ADAMTS20: variants seen among roughly 807,000 people sequenced by gnomAD.
ADAMTS20 encodes the protein A disintegrin and metalloproteinase with thrombospondin motifs 20.
Under a neutral mutation model 260.1 loss-of-function variants are expected in ADAMTS20, and 225 were observed. The ratio of observed to expected loss-of-function variants is 0.87; its 90% confidence interval spans 0.78 to 0.97. The LOEUF is 0.97. Ranked by LOEUF, ADAMTS20 falls within the 50% of genes least tolerant of loss-of-function variation. ADAMTS20 has a pLI of 0.00. For synonymous variants in ADAMTS20, 802 were observed against 769.5 expected (o/e 1.04, Z -0.70); for missense variants, 2,400 against 2,337.7 (o/e 1.03, Z -0.55).
intron 4 of ADAMTS20, among the ~76,000 whole-genome samples, chr12:43,498,110 T>C (rs1942702773): frequency 6.6e-6 from 1 of 152,174 alleles, no homozygotes; most frequent in African/African-American, 2.4e-5. Context: ...TCTCTGCTCA[T>C]TTAACACAAA....
At chr12:43,409,409 CG>C (rs1940982153) in intron 28 of ADAMTS20, among the ~76,000 whole-genome samples, 1 of 150,800 alleles carries the variant, frequency 6.6e-6, no homozygotes, top group South Asian at 2.1e-4. Flanking sequence ...GAGACCATCC[CG>C]GCTAAAACGG....
intron 3 of ADAMTS20, among the ~76,000 whole-genome samples, chr12:43,516,481 CA>C (rs1943002057): frequency 6.6e-6 from 1 of 152,020 alleles, no homozygotes; most frequent in South Asian, 2.1e-4. Flanking sequence ...GTTGGTAGAC[CA>C]AAGGAAAACT....
At chr12:43,455,821 A>G (rs1347204925) in intron 11 of ADAMTS20, among the ~76,000 whole-genome samples, 2 of 150,918 alleles carry the variant, frequency 1.3e-5, no homozygotes, top group Admixed American at 6.6e-5. Context: ...TGATTATCCT[A>G]CCTCAGCCTC....
chr12:43,468,557 G>C (rs1483088418), intron 8 of ADAMTS20, 43 bp downstream of exon 8: 1 of 1,200,156 alleles, frequency 8.3e-7, no homozygotes, highest in East Asian at 2.3e-5. Flanking sequence ...TCTGTGCAAA[G>C]ATAAATAGAA....
chr12:43,401,571 A>G (rs1001710498), intron 28 of ADAMTS20, among the ~76,000 whole-genome samples: 3 of 151,898 alleles, frequency 2.0e-5, no homozygotes, highest in East Asian at 1.9e-4. Context: ...CTTCTACTCT[A>G]TAACTTTAGG....
At chr12:43,534,700 A>C (rs1325309626) in intron 2 of ADAMTS20, among the ~76,000 whole-genome samples, 1 of 152,190 alleles carries the variant, frequency 6.6e-6, no homozygotes, top group Admixed American at 6.5e-5. Flanking sequence ...ACTCCAATGC[A>C]TATCATTACA....
At chr12:43,448,043 T>G (rs1171511786) in intron 14 of ADAMTS20, among the ~76,000 whole-genome samples, 3 of 152,108 alleles carry the variant, frequency 2.0e-5, no homozygotes, top group Admixed American at 6.6e-5. Context: ...AGAATCAATA[T>G]CATTAAAATG....
intron 11 of ADAMTS20, among the ~76,000 whole-genome samples, chr12:43,459,775 G>A (rs555401843): frequency 1.3e-4 from 19 of 150,660 alleles, no homozygotes; most frequent in African/African-American, 4.6e-4. Context: ...TATTAGAAGT[G>A]AAAAAAAAAT....
At chr12:43,498,011 G>A (rs1942701426) in intron 4 of ADAMTS20, among the ~76,000 whole-genome samples, 2 of 151,984 alleles carry the variant, frequency 1.3e-5, no homozygotes, top group Non-Finnish European at 2.9e-5. Context: ...ATTTTTAGTA[G>A]CTTAATAATG....
At chr12:43,446,340 A>G (rs1321253101) in intron 15 of ADAMTS20, among the ~76,000 whole-genome samples, 1 of 152,330 alleles carries the variant, frequency 6.6e-6, no homozygotes, top group African/African-American at 2.4e-5. Context: ...CACTGAATTT[A>G]CTCTAAGAAA....
At chr12:43,535,842 A>G (rs1359770043) in intron 2 of ADAMTS20, among the ~76,000 whole-genome samples, 1 of 152,152 alleles carries the variant, frequency 6.6e-6, no homozygotes. Flanking sequence ...AGTCAAAGCA[A>G]TAACTTTGAA....
At chr12:43,466,439 T>C (rs1592083555) in intron 9 of ADAMTS20, among the ~76,000 whole-genome samples, 1 of 151,856 alleles carries the variant, frequency 6.6e-6, no homozygotes, top group Non-Finnish European at 1.5e-5. Flanking sequence ...ATAAAAATAT[T>C]TATTTTAAAG....
chr12:43,396,754 A>T (rs1222933072), intron 29 of ADAMTS20, among the ~76,000 whole-genome samples: 4 of 152,214 alleles, frequency 2.6e-5, no homozygotes, highest in African/African-American at 9.6e-5. Context: ...GTGGTAAGCC[A>T]AGGCCAATTT....
intron 28 of ADAMTS20, among the ~76,000 whole-genome samples, chr12:43,409,601 C>CAAAAA (rs67474640): frequency 0.027 from 1,254 of 46,874 alleles, 147 homozygotes; most frequent in African/African-American, 0.032. Flanking sequence ...GACTCCGTCT[C>CAAAAA]AAAAAAAAAA....
At chr12:43,534,501 G>A (rs999180934) in intron 2 of ADAMTS20, among the ~76,000 whole-genome samples, 1 of 152,108 alleles carries the variant, frequency 6.6e-6, no homozygotes, top group African/African-American at 2.4e-5. Flanking sequence ...ATTTGCATGT[G>A]TGAAATAATA....
chr12:43,428,879 A>T, intron 24 of ADAMTS20, 80 bp from the exon 25 acceptor site: 1 of 1,295,350 alleles, frequency 7.7e-7, no homozygotes, highest in East Asian at 2.6e-5. Context: ...TGTTACTCAC[A>T]TTTCTAAAAC....
intron 36 of ADAMTS20, among the ~76,000 whole-genome samples, chr12:43,372,554 T>A (rs1019225696): frequency 9.9e-5 from 15 of 152,172 alleles, no homozygotes; most frequent in African/African-American, 3.6e-4. Context: ...AACTGGTCAG[T>A]GGCTGGCTGG....
chr12:43,451,203 C>T (rs1308644646), intron 14 of ADAMTS20, among the ~76,000 whole-genome samples: 1 of 152,112 alleles, frequency 6.6e-6, no homozygotes, highest in Admixed American at 6.5e-5. Flanking sequence ...TATATGATCC[C>T]ATTCATATGT....
chr12:43,396,870 A>G (rs1336850184), intron 29 of ADAMTS20, among the ~76,000 whole-genome samples: 7 of 152,164 alleles, frequency 4.6e-5, no homozygotes, highest in Non-Finnish European at 7.3e-5. Flanking sequence ...CACCGCAGCA[A>G]AAGAATCTTT....
Sources: gnomAD v4.1 joint callset for allele counts (sites outside exome capture counted in the v4.1 genomes callset) on GRCh38, gnomAD v4.1.1 for gene constraint, MANE v1.5 for transcripts, NCBI Gene and HGNC (gene_info 2026-07-23, HGNC 2026-07-21) for gene names.